CAPZA1: variants seen among roughly 807,000 people sequenced by gnomAD.
CAPZA1 encodes F-actin-capping protein subunit alpha-1.
CAPZA1 carries 10 observed loss-of-function variants against 40.8 expected under a neutral mutation model. The ratio of observed to expected loss-of-function variants is 0.25; its 90% CI spans 0.15 to 0.42. CAPZA1 has a LOEUF of 0.42. CAPZA1 is among the 10% of genes least tolerant of loss of function. The probability of loss-of-function intolerance (pLI) is 1.00; values close to 1 mark genes in which losing one functional copy is unlikely to be tolerated. For synonymous variants in CAPZA1, 98 were observed against 115.0 expected, an observed-to-expected ratio of 0.85 and a Z score of 0.95; for missense variants, 277 against 353.8, an observed-to-expected ratio of 0.78 and a Z score of 1.74.
chr1:112,656,478 C>T (rs1400699318), intron 5 of CAPZA1, among the ~76,000 whole-genome samples: 8 of 101,514 alleles, frequency 7.9e-5, no homozygotes, highest in African/African-American at 3.0e-4. Flanking sequence ...ATGAGAATAC[C>T]CATTATGGTG....
Position 112,652,132 on chromosome 1 carries a change from A to C in CAPZA1, c.156-1466A>C, listed in dbSNP as rs540701768. Among the ~76,000 whole-genome samples, 12 of 151,660 alleles carry C rather than the reference A, an allele frequency of 7.9e-5. No homozygotes were observed. The East Asian group carries it at 9.7e-4, about 12-fold the overall frequency. The stretch of plus-strand genomic sequence containing the variant: ...TGAGACTGCATCACCCCCACCCCCC[A>C]AAAAAATAAATACACAAAGTATACA... On this transcript the variant is annotated intron_variant, in intron 3 of 9. Transcript: ENST00000263168.
At chr1:112,663,258 C>T (rs1671656165) in intron 7 of CAPZA1, among the ~76,000 whole-genome samples, 1 of 152,104 alleles carries the variant, frequency 6.6e-6, no homozygotes, top group Admixed American at 6.6e-5. Context: ...GCCACTGCAC[C>T]CGGCTCATTC....
At position 112,647,242 on chromosome 1, in the gene CAPZA1, A is replaced by G; in HGVS notation, c.72A>G (p.Ala24=). The G allele has an allele frequency of 6.5e-7, 1 of 1,529,134 alleles. No homozygotes were observed. Among genetic ancestry groups the G allele is most frequent in the Non-Finnish European group, 8.8e-7 (1 of 1,130,532 alleles). 94.7% of individuals were successfully genotyped at this position (1,529,134 alleles called of 1,614,324 possible). The change falls in exon 2 of 10, where the codon GCA becomes GCG. Residue 24 remains alanine (A), a synonymous_variant. Transcript: ENST00000263168. The stretch of plus-strand genomic sequence containing the variant: ...TAGCTGCTAAATTCATCACTCATGC[A>G]CCCCCAGGGGAATTTAATGAAGTAT... ...VRIAAKFITH[A]PPGEFNEVFN... is the part of the protein sequence containing the mutation.
chr1:112,668,788 C>T (rs1671773595), intron 8 of CAPZA1, among the ~76,000 whole-genome samples: 1 of 152,138 alleles, frequency 6.6e-6, no homozygotes, highest in Admixed American at 6.5e-5. Flanking sequence ...CTGCTTCATA[C>T]CTTTCATTAT....
chr1:112,632,480 G>A (rs535594573), intron 1 of CAPZA1, among the ~76,000 whole-genome samples: 237 of 152,160 alleles, frequency 1.6e-3, no homozygotes, highest in Non-Finnish European at 2.6e-3. Flanking sequence ...CACATCAAAA[G>A]TAGGGAATGA....
chr1:112,662,680 G>A (rs1483328043), intron 7 of CAPZA1, among the ~76,000 whole-genome samples: 1 of 152,054 alleles, frequency 6.6e-6, no homozygotes, highest in Non-Finnish European at 1.5e-5. Context: ...TTACAGGCGT[G>A]AGCCACTGCG....
At chr1:112,636,778 T>C (rs986712030) in intron 1 of CAPZA1, among the ~76,000 whole-genome samples, 3 of 152,218 alleles carry the variant, frequency 2.0e-5, no homozygotes, top group Non-Finnish European at 4.4e-5. Context: ...TAAATCACTG[T>C]TAATGAAAAT....
intron 1 of CAPZA1, among the ~76,000 whole-genome samples, chr1:112,630,128 TG>T (rs1184888889): frequency 1.3e-5 from 2 of 151,992 alleles, no homozygotes; most frequent in Admixed American, 6.6e-5. Flanking sequence ...CTGCAACCTC[TG>T]CCTCCTGGGC....
chr1:112,624,045 C>T (rs1290365174), intron 1 of CAPZA1, among the ~76,000 whole-genome samples: 1 of 150,792 alleles, frequency 6.6e-6, no homozygotes, highest in Non-Finnish European at 1.5e-5. Flanking sequence ...AAAAGAAATC[C>T]TAGGACAGGA....
chr1:112,663,586 C>A (rs1021411174), intron 7 of CAPZA1, among the ~76,000 whole-genome samples: 1 of 151,986 alleles, frequency 6.6e-6, no homozygotes, highest in Non-Finnish European at 1.5e-5. Context: ...ACTGCAGCCT[C>A]TGCCTCCTGG....
At chr1:112,644,881 A>C (rs572660366) in intron 1 of CAPZA1, among the ~76,000 whole-genome samples, 17 of 152,304 alleles carry the variant, frequency 1.1e-4, no homozygotes, top group African/African-American at 3.4e-4. Flanking sequence ...ATTCTGGAGG[A>C]TCTTACATCA....
intron 7 of CAPZA1, 146 bp from the exon 8 acceptor site, chr1:112,666,928 A>G (rs1316224406): frequency 1.7e-6 from 1 of 586,408 alleles, no homozygotes; most frequent in East Asian, 2.9e-5. Context: ...ACCATTGTGA[A>G]TTACCACTGC....
intron 7 of CAPZA1, chr1:112,666,812 T>G: frequency 2.4e-6 from 1 of 414,978 alleles, no homozygotes; most frequent in Non-Finnish European, 4.3e-6. Flanking sequence ...GCACAGTGCT[T>G]AGAATGTGAA....
chr1:112,654,736 C>A, intron 5 of CAPZA1, 65 bp downstream of exon 5: 2 of 1,060,490 alleles, frequency 1.9e-6, no homozygotes, highest in Admixed American at 2.4e-5. Flanking sequence ...CCTTTGGAGG[C>A]TTTGGCCTAC....
intron 7 of CAPZA1, among the ~76,000 whole-genome samples, chr1:112,660,882 G>T (rs1016805459): frequency 1.5e-5 from 2 of 134,882 alleles, no homozygotes; most frequent in African/African-American, 3.0e-5. Flanking sequence ...GGAGAAGGAG[G>T]AGTCTCGCTC....
rs1247884169 is a variant in CAPZA1, at chr1:112,659,720, G to C, written c.526G>C (p.Glu176Gln). The change falls in exon 7 of 10, where the codon GAG becomes CAG. Residue 176 changes from glutamate (E) to glutamine (Q), a missense_variant. By Grantham distance (29) the Glu-to-Gln change is conservative. This residue lies in a region of CAPZA1 where 192 missense variants were observed against 277.2 expected (regional missense o/e 0.69). Transcript: ENST00000263168. ...TAATAGGAATGGTCGTTGGAGATCAGAGTGGAAGTTCACCATCACACCACC... is the reference window on the plus strand; with the variant it reads ...TAATAGGAATGGTCGTTGGAGATCACAGTGGAAGTTCACCATCACACCACC... ...KNFWNGRWRSEWKFTITPPTA... is the reference protein window; with the variant it reads ...KNFWNGRWRSQWKFTITPPTA... The C allele has an allele frequency of 6.2e-7, 1 of 1,613,308 alleles. No homozygotes were observed.
At chr1:112,654,692 G>A (rs778966645) in intron 5 of CAPZA1, 21 bp downstream of exon 5, 44 of 1,504,030 alleles carry the variant, frequency 2.9e-5, no homozygotes, top group African/African-American at 1.5e-4. Context: ...TGACTGCTTC[G>A]TTATCAGAGA....
chr1:112,635,553 C>CTTT (rs5777132), intron 1 of CAPZA1, among the ~76,000 whole-genome samples: 6 of 139,552 alleles, frequency 4.3e-5, no homozygotes, highest in Admixed American at 1.4e-4. Flanking sequence ...TTGTCAAGGA[C>CTTT]TTTTTTTTTT....
rs1671803607 is a variant in CAPZA1, at chr1:112,670,333, C to G, written c.*201C>G. 2.4e-6 allele frequency: 1 copy of G among 416,906 alleles called. No individual in the cohort carries two copies. Among genetic ancestry groups the G allele is most frequent in the Non-Finnish European group, 4.3e-6 (1 of 233,520 alleles). The allele number at this position is 416,906 out of a possible 1,614,324, so 25.8% of individuals were successfully genotyped here. On this transcript the variant is annotated 3_prime_UTR_variant, in exon 10 of 10. Coordinates refer to ENST00000263168, the MANE Select transcript of CAPZA1 (RefSeq NM_006135.3). ...TTCTCTGCCTTGTAATTTTCTGTTA[C>G]TGCTATATCTACGTGTAAATCTTTT... is the stretch of plus-strand genomic sequence containing the variant.
Sources: allele counts gnomAD v4.1 joint callset (sites outside exome capture counted in the v4.1 genomes callset), GRCh38; gene constraint gnomAD v4.1.1; regional missense constraint gnomAD v4.1.1; transcripts MANE v1.5; gene names NCBI Gene and HGNC (gene_info 2026-07-23, HGNC 2026-07-21).